Variants in NALCN observed in about 807,000 individuals in gnomAD.
NALCN encodes the protein sodium leak channel, non-selective.
Under a neutral mutation model 225.3 loss-of-function variants are expected in NALCN, and 111 were observed. The observed-to-expected ratio is 0.49, with a 90% CI of 0.42 to 0.58. The LOEUF (loss-of-function observed/expected upper bound fraction) is 0.58, where lower values mean the gene tolerates loss of function less well. Among genes scored for constraint, NALCN ranks in the 20% least tolerant of loss-of-function variants. NALCN has a pLI of 0.00. For missense variants in NALCN, 1,378 were observed against 2,202.4 expected, an observed-to-expected ratio of 0.63 and a Z score of 7.49; for synonymous variants, 764 against 769.0, an observed-to-expected ratio of 0.99 and a Z score of 0.11.
intron 20 of NALCN, among the ~76,000 whole-genome samples, chr13:101,108,930 G>A (rs1566822862): frequency 1.3e-5 from 2 of 152,166 alleles, no homozygotes; most frequent in South Asian, 4.1e-4. Flanking sequence ...GAACCCCATG[G>A]CATTTTGCTA....
intron 7 of NALCN, among the ~76,000 whole-genome samples, chr13:101,326,871 G>A (rs1361040975): frequency 2.0e-5 from 3 of 152,148 alleles, no homozygotes; most frequent in African/African-American, 7.2e-5. Context: ...AGCTGGGGCT[G>A]GCTGACCTCA....
rs1041342354 is a variant in NALCN at position 101,147,685 on chromosome 13, C to A, written c.1840-2789G>T. 2.6e-5 allele frequency among the ~76,000 whole-genome samples: 4 copies of A among 152,116 alleles called. No individual in the cohort carries two copies. In the East Asian group the frequency reaches 7.7e-4, roughly 29 times the overall value. Reference sequence around the variant, plus strand: ...TCCTGAGTAGCCGGGACTACAGGTGCGAGCTGCCATGCCTGGTCAAAATCT... The same window carrying A: ...TCCTGAGTAGCCGGGACTACAGGTGAGAGCTGCCATGCCTGGTCAAAATCT... On this transcript the variant is annotated intron_variant, in intron 15 of 43. Coordinates refer to ENST00000251127, the MANE Select transcript of NALCN (RefSeq NM_052867.4).
At chr13:101,277,040 A>G (rs2042993209) in intron 10 of NALCN, among the ~76,000 whole-genome samples, 1 of 152,118 alleles carries the variant, frequency 6.6e-6, no homozygotes, top group Non-Finnish European at 1.5e-5. Context: ...GTGTATATAT[A>G]TGTTTGTGTA....
chr13:101,252,286 A>G (rs2042084597), intron 11 of NALCN, among the ~76,000 whole-genome samples: 1 of 152,170 alleles, frequency 6.6e-6, no homozygotes, highest in South Asian at 2.1e-4. Context: ...CTCTGACTTT[A>G]TAATTGAAAT....
At chr13:101,395,011 C>T (rs1385861995) in intron 3 of NALCN, among the ~76,000 whole-genome samples, 172 bp downstream of exon 3, 3 of 152,200 alleles carry the variant, frequency 2.0e-5, no homozygotes, top group Non-Finnish European at 2.9e-5. Flanking sequence ...AAAATAGTCT[C>T]ATGCAACAAT....
At chr13:101,164,679 T>G (rs1430442971) in intron 15 of NALCN, among the ~76,000 whole-genome samples, 6 of 152,246 alleles carry the variant, frequency 3.9e-5, no homozygotes, top group Non-Finnish European at 8.8e-5. Flanking sequence ...TGTTCTGTCT[T>G]AGCCATTTCA....
At chr13:101,412,447 G>A (rs573960659) in intron 1 of NALCN, among the ~76,000 whole-genome samples, 6 of 152,206 alleles carry the variant, frequency 3.9e-5, no homozygotes, top group South Asian at 4.2e-4. Context: ...CTCCTGCTGC[G>A]GAGGCCTACC....
chr13:101,165,882 C>G (rs1160350438), intron 15 of NALCN, among the ~76,000 whole-genome samples: 1 of 152,232 alleles, frequency 6.6e-6, no homozygotes, highest in Non-Finnish European at 1.5e-5. Context: ...AAACTCTGTA[C>G]CCATTGAACA....
At chr13:101,174,721 C>A (rs1457720269) in intron 15 of NALCN, among the ~76,000 whole-genome samples, 1 of 152,042 alleles carries the variant, frequency 6.6e-6, no homozygotes, top group Non-Finnish European at 1.5e-5. Flanking sequence ...AATTATTTTA[C>A]AAATGAGGGC....
chr13:101,366,939 CCTT>C (rs2046392917), intron 6 of NALCN, among the ~76,000 whole-genome samples: 1 of 151,452 alleles, frequency 6.6e-6, no homozygotes, highest in Non-Finnish European at 1.5e-5. Context: ...AGCTCCATCT[CCTT>C]CTCACCGCAG....
chr13:101,407,408 G>A (rs1284173039), intron 1 of NALCN, among the ~76,000 whole-genome samples: 1 of 152,180 alleles, frequency 6.6e-6, no homozygotes, highest in Non-Finnish European at 1.5e-5. Context: ...AATGATAAAA[G>A]TGATTAATAC....
intron 1 of NALCN, among the ~76,000 whole-genome samples, chr13:101,403,327 T>C (rs536368266): frequency 1.3e-5 from 2 of 152,332 alleles, no homozygotes; most frequent in South Asian, 4.1e-4. Context: ...GTACCTGCAC[T>C]TCCTTTCACA....
chr13:101,254,053 A>G (rs1181977279), intron 11 of NALCN, among the ~76,000 whole-genome samples: 1 of 152,178 alleles, frequency 6.6e-6, no homozygotes, highest in African/African-American at 2.4e-5. Flanking sequence ...TAAAAACGAA[A>G]CATACTTGGG....
chr13:101,131,312 G>C (rs1256193422), intron 17 of NALCN, among the ~76,000 whole-genome samples: 1 of 152,132 alleles, frequency 6.6e-6, no homozygotes, highest in Non-Finnish European at 1.5e-5. Context: ...GTGAGAGACA[G>C]TATTCTGCTG....
intron 15 of NALCN, among the ~76,000 whole-genome samples, chr13:101,171,761 G>A (rs2038734935): frequency 6.6e-6 from 1 of 152,172 alleles, no homozygotes. Flanking sequence ...AAACACACCA[G>A]AGCCTCTCAA....
chr13:101,340,345 T>C (rs573093446), intron 7 of NALCN, among the ~76,000 whole-genome samples: 4 of 152,246 alleles, frequency 2.6e-5, no homozygotes, highest in Admixed American at 1.3e-4. Flanking sequence ...AAAACCTGCA[T>C]AGTTAATGTC....
At position 101,057,983 on chromosome 13, in the gene NALCN, G is replaced by GCGT. The variant is rs1408917410; in HGVS notation, c.4976_4978dup (p.Asp1659dup). On this transcript the variant is annotated inframe_insertion, in exon 43 of 44. Coordinates refer to ENST00000251127, the MANE Select transcript of NALCN (RefSeq NM_052867.4). ...CCCAAATTTCCTCTGGGGTTTCCCT[G>GCGT]CGTCGGCTGCATCTTGCCGACTTCC... 3.7e-6 allele frequency: 6 copies of GCGT among 1,613,910 alleles called. No homozygotes were observed. The highest frequency in any genetic ancestry group is 4.2e-6 in the Non-Finnish European group (5 of 1,180,024).
intron 12 of NALCN, 66 bp from the exon 13 acceptor site, chr13:101,229,650 T>C: frequency 8.0e-7 from 1 of 1,250,340 alleles, no homozygotes; most frequent in Non-Finnish European, 1.1e-6. Flanking sequence ...ATCTTAAATA[T>C]ATTCATACTA....
chr13:101,366,104 C>T (rs2046370350), intron 6 of NALCN, among the ~76,000 whole-genome samples: 1 of 152,108 alleles, frequency 6.6e-6, no homozygotes, highest in Non-Finnish European at 1.5e-5. Flanking sequence ...GTTGGTATTT[C>T]ACAACACCTG....
Sources: gnomAD v4.1 joint callset for allele counts (sites outside exome capture counted in the v4.1 genomes callset) on GRCh38, gnomAD v4.1.1 for gene constraint, MANE v1.5 for transcripts, NCBI Gene and HGNC (gene_info 2026-07-23, HGNC 2026-07-21) for gene names.